PTBP2: variants seen among roughly 807,000 people sequenced by gnomAD.
PTBP2 encodes polypyrimidine tract binding protein 2.
PTBP2 carries 13 observed loss-of-function variants against 61.4 expected under a neutral mutation model. The observed-to-expected ratio is 0.21, with a 90% CI of 0.14 to 0.34. PTBP2 has a LOEUF of 0.34. Among genes scored for constraint, PTBP2 ranks in the 10% least tolerant of loss-of-function variants. The pLI, the probability that PTBP2 is intolerant of heterozygous loss-of-function variation, is 1.00. For synonymous variants in PTBP2, 215 were observed against 218.5 expected (o/e 0.98, Z 0.14); for missense variants, 405 against 642.6 (o/e 0.63, Z 4.00).
chr1:96,813,196 G>T, intron 13 of PTBP2, 80 bp from the exon 14 acceptor site: 1 of 1,543,008 alleles, frequency 6.5e-7, no homozygotes, highest in Non-Finnish European at 8.8e-7. Context: ...TTTTGATTCC[G>T]GAATGGCCAA....
chr1:96,788,420 A>T (rs1048242885), intron 8 of PTBP2, among the ~76,000 whole-genome samples: 16 of 152,024 alleles, frequency 1.1e-4, no homozygotes, highest in African/African-American at 3.9e-4. Flanking sequence ...TTTTGATCTC[A>T]GTTTCCACTT....
intron 3 of PTBP2, among the ~76,000 whole-genome samples, chr1:96,752,897 G>A (rs149424875): frequency 1.4e-3 from 216 of 152,226 alleles, no homozygotes; most frequent in South Asian, 4.6e-3. Flanking sequence ...CGTGAGGTAA[G>A]TATCATGAAC....
rs544662033 is a variant in PTBP2 at position 96,786,430 on chromosome 1, G to C, written c.904+1176G>C. 1.6e-4 allele frequency among the ~76,000 whole-genome samples: 24 copies of C among 152,220 alleles called. No individual in the cohort carries two copies. In the South Asian group the frequency reaches 5.0e-3, roughly 32 times the overall value. On this transcript the variant is annotated intron_variant, in intron 8 of 13. Transcript: ENST00000674951. ...AGGTCACTTACACTCTTTCCTGACAGAATCTCTACTACCTCTGTGTGTGTC... is the reference window on the plus strand; with the variant it reads ...AGGTCACTTACACTCTTTCCTGACACAATCTCTACTACCTCTGTGTGTGTC...
At chr1:96,747,093 A>C (rs1653944306) in intron 2 of PTBP2, among the ~76,000 whole-genome samples, 1 of 149,384 alleles carries the variant, frequency 6.7e-6, no homozygotes, top group African/African-American at 2.5e-5. Flanking sequence ...CCCTCCCCCC[A>C]CCACTAGTTC....
At chr1:96,810,251 T>C (rs1172585991) in intron 11 of PTBP2, among the ~76,000 whole-genome samples, 1 of 152,242 alleles carries the variant, frequency 6.6e-6, no homozygotes, top group East Asian at 1.9e-4. Context: ...TGTCCATTTA[T>C]GCCATATTTC....
At chr1:96,770,388 C>T (rs565917957) in intron 4 of PTBP2, among the ~76,000 whole-genome samples, 129 of 151,996 alleles carry the variant, frequency 8.5e-4, no homozygotes, top group Non-Finnish European at 1.5e-3. Context: ...ATCTTACATT[C>T]TCTAGGGTAG....
intron 1 of PTBP2, among the ~76,000 whole-genome samples, 163 bp downstream of exon 1, chr1:96,722,035 CGGCGG>C (rs1461614590): frequency 2.0e-5 from 3 of 152,092 alleles, no homozygotes; most frequent in Non-Finnish European, 4.4e-5. Context: ...TTGCTTCCCC[CGGCGG>C]GCTTTGGTCG....
chr1:96,749,724 T>G (rs1654301164), intron 2 of PTBP2: 1 of 450,902 alleles, frequency 2.2e-6, no homozygotes, highest in Non-Finnish European at 4.5e-6. Context: ...TGTGGGGACA[T>G]TGTACTTGGT....
chr1:96,723,606 C>A lies in PTBP2; in HGVS notation c.39+12C>A. Reference sequence around the variant, plus strand: ...CAGTTGGCGTGAAGGTAGGAAAATACTATGTTTGAAACTGGGATTGTTGGA... The same window carrying A: ...CAGTTGGCGTGAAGGTAGGAAAATAATATGTTTGAAACTGGGATTGTTGGA... On this transcript the variant is annotated intron_variant, in intron 2 of 13. Coordinates refer to ENST00000674951, the MANE Select transcript of PTBP2 (RefSeq NM_021190.4). The A allele has an allele frequency of 6.4e-7, 1 of 1,564,534 alleles. No homozygotes were observed. The highest frequency in any genetic ancestry group is 8.7e-7 in the Non-Finnish European group (1 of 1,144,800).
In PTBP2 at chr1:96,806,905, A is replaced by G. The variant is rs1661544364; in HGVS notation, c.1118A>G (p.Asn373Ser). The change falls in exon 11 of 14, where the codon AAT becomes AGT. Residue 373 changes from asparagine to serine, a missense_variant. Physicochemically the swap from Asn to Ser is conservative, Grantham distance 46. Around this residue, in one of 4 missense-constraint regions of PTBP2, gnomAD observed 342 missense variants for 491.2 expected, o/e 0.70. Transcript: ENST00000674951. Reference protein sequence around the residue: ...GDVQRVKILYNKKDSALIQMA... With the variant: ...GDVQRVKILYSKKDSALIQMA... ...GTGCAGCGTGTGAAGATTTTATACA[A>G]TAAGAAAGACAGCGCTCTAATACAG... is the stretch of plus-strand genomic sequence containing the variant. 2.5e-6 allele frequency: 4 copies of G among 1,612,446 alleles called. No homozygotes were observed. Among genetic ancestry groups the G allele is most frequent in the Non-Finnish European group, 3.4e-6 (4 of 1,179,550 alleles).
intron 2 of PTBP2, among the ~76,000 whole-genome samples, chr1:96,729,825 G>A (rs937978889): frequency 1.6e-4 from 23 of 145,504 alleles, no homozygotes; most frequent in African/African-American, 5.4e-4. Flanking sequence ...CAACCTCCAC[G>A]TCCCGGGTTC....
intron 11 of PTBP2, among the ~76,000 whole-genome samples, chr1:96,810,822 T>A (rs1662010469): frequency 6.6e-6 from 1 of 152,180 alleles, no homozygotes; most frequent in Non-Finnish European, 1.5e-5. Flanking sequence ...ATTCAGTGGG[T>A]TTTATTGTAA....
At chr1:96,770,356 C>A (rs1436760242) in intron 4 of PTBP2, among the ~76,000 whole-genome samples, 3 of 151,980 alleles carry the variant, frequency 2.0e-5, no homozygotes, top group Non-Finnish European at 4.4e-5. Context: ...TATAATTATA[C>A]TGCTTTTAAA....
At chr1:96,768,970 T>C (rs1557731916) in intron 3 of PTBP2, among the ~76,000 whole-genome samples, 1 of 152,026 alleles carries the variant, frequency 6.6e-6, no homozygotes, top group East Asian at 1.9e-4. Context: ...AATTATAATC[T>C]TCCTAATTTT....
At chr1:96,737,129 G>C (rs891086209) in intron 2 of PTBP2, among the ~76,000 whole-genome samples, 2 of 151,952 alleles carry the variant, frequency 1.3e-5, no homozygotes, top group East Asian at 1.9e-4. Flanking sequence ...ACAGGCGCCT[G>C]CCACCACACC....
chr1:96,787,415 T>A (rs1247131833), intron 8 of PTBP2, among the ~76,000 whole-genome samples: 2 of 152,238 alleles, frequency 1.3e-5, no homozygotes, highest in African/African-American at 4.8e-5. Flanking sequence ...AGTGTCTTTT[T>A]CCACTTCTGT....
intron 7 of PTBP2, among the ~76,000 whole-genome samples, chr1:96,778,324 A>C (rs558712793): frequency 8.4e-4 from 128 of 152,100 alleles, no homozygotes; most frequent in African/African-American, 2.9e-3. Context: ...AAATATACAG[A>C]TGTGGCTCAA....
chr1:96,792,302 T>A (rs911828021), intron 8 of PTBP2, among the ~76,000 whole-genome samples: 1 of 152,192 alleles, frequency 6.6e-6, no homozygotes, highest in African/African-American at 2.4e-5. Context: ...CCTTTACAAG[T>A]AAGTTAATAC....
intron 3 of PTBP2, among the ~76,000 whole-genome samples, chr1:96,763,024 G>A (rs1330476101): frequency 1.8e-4 from 28 of 151,660 alleles, no homozygotes; most frequent in South Asian, 8.4e-4. Context: ...ATGGGATGGC[G>A]GCCGGGAAGA....
Sources: allele counts gnomAD v4.1 joint callset (sites outside exome capture counted in the v4.1 genomes callset), GRCh38; gene constraint gnomAD v4.1.1; regional missense constraint gnomAD v4.1.1; transcripts MANE v1.5; gene names NCBI Gene and HGNC (gene_info 2026-07-23, HGNC 2026-07-21).